Variants in ASXL3 observed in about 807,000 individuals in gnomAD.
The protein encoded by ASXL3 is putative Polycomb group protein ASXL3.
In ASXL3, 34 loss-of-function variants were observed where a neutral mutation model predicts 170.6. That is an observed-to-expected ratio of 0.20 (90% CI 0.15 to 0.27). The LOEUF (loss-of-function observed/expected upper bound fraction) is 0.27, where lower values mean the gene tolerates loss of function less well. ASXL3 is among the 10% of genes least tolerant of loss of function. The pLI is 1.00. For missense variants in ASXL3, 2,592 were observed against 2,695.3 expected, an observed-to-expected ratio of 0.96 and a Z score of 0.85; for synonymous variants, 1,002 against 989.1, an observed-to-expected ratio of 1.01 and a Z score of -0.24.
chr18:33,744,839 T>C lies in ASXL3; in HGVS notation c.4991T>C (p.Val1664Ala), dbSNP rs1312144476. The C allele has an allele frequency of 1.2e-6, 2 of 1,614,036 alleles. No homozygotes were observed. The highest frequency in any genetic ancestry group is 2.2e-5 in the East Asian group (1 of 44,884). Residue 1664 changes from valine (V) to alanine (A), a missense_variant, in exon 12 of 12, where the codon GTT (valine) becomes GCT (alanine). Physicochemically the swap from Val to Ala is moderately conservative, Grantham distance 64. Around this residue, in one of 4 missense-constraint regions of ASXL3, gnomAD observed 2,246 missense variants for 2,219.6 expected, o/e 1.01. Coordinates refer to ENST00000269197, the MANE Select transcript of ASXL3 (RefSeq NM_030632.3). ...ELHPRNLVTNVALPVKSELHE... is the reference protein window; with the variant it reads ...ELHPRNLVTNAALPVKSELHE... ...CATCCCAGGAATCTTGTAACAAATG[T>C]TGCTCTTCCTGTGAAATCTGAACTT...
At chr18:33,709,885 C>T (rs890422927) in intron 8 of ASXL3, among the ~76,000 whole-genome samples, 3 of 152,334 alleles carry the variant, frequency 2.0e-5, no homozygotes. Flanking sequence ...CCCACTCTGA[C>T]CACTGCTTCC....
rs535483673 is a variant in ASXL3 at position 33,747,067 on chromosome 18, C to G, written c.*472C>G. On this transcript the variant is annotated 3_prime_UTR_variant, in exon 12 of 12. Transcript: ENST00000269197. ...CTAGCTTTACCACAGTGATTAAATC[C>G]TATTTAGAAAGGGGAATCTGATTTA... 1 of 153,316 alleles carries G rather than the reference C, an allele frequency of 6.5e-6. No individual in the cohort carries two copies. The highest frequency in any genetic ancestry group is 1.9e-4 in the East Asian group (1 of 5,208). The allele number at this position is 153,316 out of a possible 1,614,324, so 9.5% of individuals were successfully genotyped here. A position where few individuals can be genotyped will look rare whatever the true frequency, so the allele number is the denominator to read the frequency against.
rs570829874 is a variant in ASXL3 at position 33,642,665 on chromosome 18, T to C, written c.138-2229T>C. ...TTTTCCGTAGTAAATCTTGTGTTTATTGAGTTACTAAACAGTATAATTTAA... is the reference window on the plus strand; with the variant it reads ...TTTTCCGTAGTAAATCTTGTGTTTACTGAGTTACTAAACAGTATAATTTAA... On this transcript the variant is annotated intron_variant, in intron 2 of 11. Transcript: ENST00000269197. 5.3e-5 allele frequency among the ~76,000 whole-genome samples: 8 copies of C among 152,088 alleles called. No individual in the cohort carries two copies. In the South Asian group the frequency reaches 1.5e-3, roughly 28 times the overall value.
At position 33,741,687 on chromosome 18, in the gene ASXL3, A is replaced by G. The variant is rs112620080; in HGVS notation, c.3040-1201A>G. On this transcript the variant is annotated intron_variant, in intron 11 of 11. Transcript: ENST00000269197. ...GACAATTTCATCCATCAAAGTTCCA[A>G]AGCATAATTCTAAATTGATATGTAT... 2.8e-3 allele frequency among the ~76,000 whole-genome samples: 431 copies of G among 152,308 alleles called. 5 individuals carry two copies. Among genetic ancestry groups the G allele is most frequent in the Middle Eastern group, 0.01 (3 of 294 alleles).
intron 2 of ASXL3, among the ~76,000 whole-genome samples, chr18:33,643,491 C>A (rs909605760): frequency 1.3e-5 from 2 of 151,736 alleles, no homozygotes; most frequent in Non-Finnish European, 1.5e-5. Context: ...TATTAAGATT[C>A]TTGTTTCCTG....
chr18:33,650,792 A>C (rs2065985870), intron 4 of ASXL3, among the ~76,000 whole-genome samples: 1 of 152,144 alleles, frequency 6.6e-6, no homozygotes, highest in Admixed American at 6.6e-5. Flanking sequence ...AAAGAATAGT[A>C]AATAGCTTAT....
At chr18:33,605,119 A>G (rs746714516) in intron 1 of ASXL3, among the ~76,000 whole-genome samples, 1 of 152,024 alleles carries the variant, frequency 6.6e-6, no homozygotes, top group African/African-American at 2.4e-5. Flanking sequence ...AATGTAAGCA[A>G]CAACAAGACC....
Position 33,687,622 on chromosome 18 carries a change from C to T in ASXL3, c.879+4054C>T, listed in dbSNP as rs147185201. Among the ~76,000 whole-genome samples, 4 of 152,212 alleles carry T rather than the reference C, an allele frequency of 2.6e-5. No homozygotes were observed. In the East Asian group the frequency reaches 5.8e-4, roughly 22 times the overall value. The stretch of plus-strand genomic sequence containing the variant: ...TCCTCAAAATATGGGAGCTGAGTTT[C>T]GCATTTATCTTGACAATGCCAGCTG... On this transcript the variant is annotated intron_variant, in intron 8 of 11. Coordinates refer to ENST00000269197, the MANE Select transcript of ASXL3 (RefSeq NM_030632.3).
chr18:33,745,419 G>A lies in ASXL3; in HGVS notation c.5571G>A (p.Val1857=). 1 of 1,613,970 alleles carries A rather than the reference G, an allele frequency of 6.2e-7. No individual in the cohort carries two copies. The highest frequency in any genetic ancestry group is 1.1e-5 in the South Asian group (1 of 91,084). The change falls in exon 12 of 12, where the codon GTG becomes GTA. Residue 1857 remains valine, a synonymous_variant. Coordinates refer to ENST00000269197, the MANE Select transcript of ASXL3 (RefSeq NM_030632.3). ...KLLVEPDVKG[V]PCVISSGISQ... is the part of the protein sequence containing the mutation. The stretch of plus-strand genomic sequence containing the variant: ...TGGTGGAGCCAGATGTTAAAGGGGT[G>A]CCTTGTGTCATCAGTTCCGGCATCA...
At chr18:33,656,991 G>C (rs983833918) in intron 4 of ASXL3, among the ~76,000 whole-genome samples, 6 of 152,058 alleles carry the variant, frequency 3.9e-5, no homozygotes, top group Non-Finnish European at 8.8e-5. Flanking sequence ...AACATTAATA[G>C]ATCGACTGCT....
rs2067873632 is a variant in ASXL3 at position 33,750,821 on chromosome 18, C to T, written c.*4226C>T. The T allele has an allele frequency of 5.3e-5, 8 of 152,306 alleles. No homozygotes were observed. In the South Asian group the frequency reaches 1.7e-3, roughly 32 times the overall value. 9.4% of individuals were successfully genotyped at this position (152,306 alleles called of 1,614,324 possible). A position where few individuals can be genotyped will look rare whatever the true frequency, so the allele number is the denominator to read the frequency against. On this transcript the variant is annotated 3_prime_UTR_variant, in exon 12 of 12. Coordinates refer to ENST00000269197, the MANE Select transcript of ASXL3 (RefSeq NM_030632.3). ...GAATATATTATTCCCACAGGAAAAA[C>T]TCAGAAAAGGTGTGTAAAATCCTCA...
chr18:33,610,334 G>A (rs2065315279), intron 2 of ASXL3, among the ~76,000 whole-genome samples: 1 of 151,998 alleles, frequency 6.6e-6, no homozygotes, highest in African/African-American at 2.4e-5. Context: ...TAAATACAGG[G>A]AAGTGCTTGT....
intron 11 of ASXL3, among the ~76,000 whole-genome samples, chr18:33,741,945 C>CTGTT (rs1312240359): frequency 1.3e-5 from 2 of 152,200 alleles, no homozygotes; most frequent in East Asian, 1.9e-4. Flanking sequence ...GGAATGCTGG[C>CTGTT]TGTTAGACCT....
intron 1 of ASXL3, among the ~76,000 whole-genome samples, chr18:33,591,902 A>G (rs989893460): frequency 6.6e-6 from 1 of 151,916 alleles, no homozygotes; most frequent in African/African-American, 2.4e-5. Context: ...CAGCCTCCCA[A>G]AGTGCTGGGA....
chr18:33,592,866 A>G (rs547079820), intron 1 of ASXL3, among the ~76,000 whole-genome samples: 5 of 152,154 alleles, frequency 3.3e-5, no homozygotes, highest in African/African-American at 1.2e-4. Flanking sequence ...CAGTATTTAT[A>G]TTTTGTTATT....
At chr18:33,651,356 A>G (rs1317286651) in intron 4 of ASXL3, among the ~76,000 whole-genome samples, 1 of 152,112 alleles carries the variant, frequency 6.6e-6, no homozygotes, top group East Asian at 1.9e-4. Flanking sequence ...CAGCTGTACA[A>G]ATATACTTTG....
Position 33,743,233 on chromosome 18 carries a change from T to C in ASXL3, c.3385T>C (p.Leu1129=). The C allele has an allele frequency of 6.2e-7, 1 of 1,613,986 alleles. No individual in the cohort carries two copies. The highest frequency in any genetic ancestry group is 8.5e-7 in the Non-Finnish European group (1 of 1,179,866). ...CTTCCAGACCTCTAAAGAGACCCGG[T>C]TGCCTCCTCCGCTCAGCTCAAAGGA... ...HLFQTSKETR[L]PPPLSSKEGP... is the part of the protein sequence containing the mutation. The change falls in exon 12 of 12, where the codon TTG becomes CTG. Residue 1129 remains leucine (L), a synonymous_variant. Coordinates refer to ENST00000269197, the MANE Select transcript of ASXL3 (RefSeq NM_030632.3).
intron 2 of ASXL3, among the ~76,000 whole-genome samples, chr18:33,636,690 T>C (rs2065771651): frequency 6.6e-6 from 1 of 152,130 alleles, no homozygotes; most frequent in Non-Finnish European, 1.5e-5. Context: ...GAAGATCTGC[T>C]CTGAGGAGAT....
intron 7 of ASXL3, among the ~76,000 whole-genome samples, chr18:33,677,650 G>C (rs2066449359): frequency 6.6e-6 from 1 of 152,086 alleles, no homozygotes; most frequent in Non-Finnish European, 1.5e-5. Flanking sequence ...AATACTTTTT[G>C]AATATCGAAG....
Sources: gnomAD v4.1 joint callset for allele counts (sites outside exome capture counted in the v4.1 genomes callset) on GRCh38, gnomAD v4.1.1 for gene constraint, gnomAD v4.1.1 regional missense constraint, MANE v1.5 for transcripts, NCBI Gene and HGNC (gene_info 2026-07-23, HGNC 2026-07-21) for gene names.